The following LAMB4 variants were observed in gnomAD, a reference collection of about 807,000 sequenced individuals.
LAMB4 encodes the protein laminin subunit beta-4.
LAMB4 carries 196 observed loss-of-function variants against 199.2 expected under a neutral mutation model. The observed-to-expected ratio is 0.98, with a 90% CI of 0.88 to 1.11. The LOEUF is 1.11. Among genes scored for constraint, LAMB4 ranks in the 50% least tolerant of loss-of-function variants. The pLI is 0.00. For synonymous variants in LAMB4, 744 were observed against 770.6 expected, an observed-to-expected ratio of 0.97 and a Z score of 0.57; for missense variants, 2,080 against 2,171.2, an observed-to-expected ratio of 0.96 and a Z score of 0.83.
chr7:108,012,075 T>C, the LAMB4 span, among the ~76,000 whole-genome samples: 1 of 149,962 alleles, frequency 6.7e-6, no homozygotes, highest in Non-Finnish European at 1.5e-5. Flanking sequence ...TATAAACATA[T>C]TTATATAAAC....
intron 25 of LAMB4, among the ~76,000 whole-genome samples, chr7:108,054,923 C>T (rs1166021733): frequency 6.6e-6 from 1 of 152,198 alleles, no homozygotes; most frequent in Non-Finnish European, 1.5e-5. Context: ...AATGACCATA[C>T]TTGGTATAAG....
chr7:108,099,017 T>TA (rs764875259), intron 10 of LAMB4, among the ~76,000 whole-genome samples: 3 of 152,170 alleles, frequency 2.0e-5, no homozygotes, highest in Non-Finnish European at 4.4e-5. Context: ...AAATAGATTT[T>TA]AAAAAAGACT....
intron 26 of LAMB4, among the ~76,000 whole-genome samples, chr7:108,050,261 C>A (rs1255486042): frequency 1.3e-5 from 2 of 152,178 alleles, no homozygotes; most frequent in Non-Finnish European, 2.9e-5. Context: ...TTTGTAGGTG[C>A]CTGTACTATA....
rs1025341986 is a variant in LAMB4 at position 108,125,590 on chromosome 7, G to C, written c.-33-2393C>G. The stretch of plus-strand genomic sequence containing the variant: ...ACATAGGATATATCATGGCATTCCT[G>C]CTTCTCTCCAGTGGAGAACCTATTC... On this transcript the variant is annotated intron_variant, in intron 1 of 33. Coordinates refer to ENST00000388781, the MANE Select transcript of LAMB4 (RefSeq NM_007356.3). Among the ~76,000 whole-genome samples the C allele has an allele frequency of 2.0e-5, 3 of 152,292 alleles. No individual in the cohort carries two copies. The East Asian group carries it at 5.8e-4, about 29-fold the overall frequency.
chr7:108,127,189 GTTTTT>G (rs758228106), intron 1 of LAMB4, among the ~76,000 whole-genome samples: 4 of 69,102 alleles, frequency 5.8e-5, no homozygotes, highest in South Asian at 4.9e-4. Context: ...TTTTTTTTGT[GTTTTT>G]TTTTTTTTTT....
In LAMB4 at chr7:108,066,535, A is replaced by G. The variant is rs751884775; in HGVS notation, c.2512T>C (p.Cys838Arg). ...VCDQVTGQCP[C>R]HGEVSGRRCD... ...CGGCGGCCAGACACCTCTCCATGGC[A>G]GGGGCACTGTCCTGTTACTTGGTCA... The change falls in exon 20 of 34, where the codon TGC becomes CGC. Residue 838 changes from cysteine to arginine, a missense_variant. Physicochemically the swap from Cys to Arg is radical, Grantham distance 180 (BLOSUM62 -3). Transcript: ENST00000388781. The G allele has an allele frequency of 6.2e-7, 1 of 1,614,012 alleles. No homozygotes were observed. The highest frequency in any genetic ancestry group is 1.1e-5 in the South Asian group (1 of 91,016).
intron 30 of LAMB4, among the ~76,000 whole-genome samples, chr7:108,035,082 G>A (rs1563033139): frequency 6.6e-6 from 1 of 152,006 alleles, no homozygotes; most frequent in South Asian, 2.1e-4. Context: ...TCCTCCAATG[G>A]TAATCTCTGT....
intron 1 of LAMB4, among the ~76,000 whole-genome samples, chr7:108,124,764 C>T (rs1033716485): frequency 1.3e-5 from 2 of 152,140 alleles, no homozygotes; most frequent in South Asian, 2.1e-4. Flanking sequence ...ATTCTACCTT[C>T]GAGGCTTTTC....
chr7:108,057,879 C>T lies in LAMB4; in HGVS notation c.3332G>A (p.Ser1111Asn). ...CKLGYGGKRC[S>N]ECQENYYGDP... is the part of the protein sequence containing the mutation. ...ACCATAATAATTTTCCTGGCACTCA[C>T]TGCAACGTTTCCCGCCGTAACCTAA... The change falls in exon 24 of 34, where the codon AGT becomes AAT. Residue 1111 changes from serine (S) to asparagine (N), a missense_variant. Ser to Asn is a conservative substitution (Grantham distance 46, BLOSUM62 1). Coordinates refer to ENST00000388781, the MANE Select transcript of LAMB4 (RefSeq NM_007356.3). The T allele has an allele frequency of 6.2e-7, 1 of 1,613,738 alleles. No homozygotes were observed.
rs402113 is a variant in LAMB4, at chr7:108,103,219, A to G, written c.1005T>C (p.Asn335=). The change falls in exon 10 of 34, where the codon AAT becomes AAC. Residue 335 remains asparagine, a synonymous_variant. Transcript: ENST00000388781. ...QDNACRSCSC[N]SHSSRCHFDM... ...CAAAGTGACAGCGGCTGGAGTGGCTATTACAGCTGCACGCTGAAAGGAGAA... is the reference window on the plus strand; with the variant it reads ...CAAAGTGACAGCGGCTGGAGTGGCTGTTACAGCTGCACGCTGAAAGGAGAA... The G allele has an allele frequency of 0.38, 592,553 of 1,560,792 alleles. 114,983 individuals are homozygous for G. Among genetic ancestry groups the G allele is most frequent in the Non-Finnish European group, 0.4 (465,647 of 1,151,778 alleles).
intron 4 of LAMB4, among the ~76,000 whole-genome samples, chr7:108,109,885 C>A (rs1438707259): frequency 6.6e-6 from 1 of 151,932 alleles, no homozygotes; most frequent in Non-Finnish European, 1.5e-5. Flanking sequence ...GCAGCACTGT[C>A]CAACAGAAAT....
rs569989808 is a variant in LAMB4 at position 108,126,488 on chromosome 7, G to C, written c.-33-3291C>G. 7.1e-4 allele frequency among the ~76,000 whole-genome samples: 107 copies of C among 151,046 alleles called. No individual in the cohort carries two copies. The South Asian group carries it at 0.018, about 25-fold the overall frequency. ...ACAATATTTGTCTTTTTTGTGACTG[G>C]CCTATTTCACGTAGCATAATGTCCT... is the stretch of plus-strand genomic sequence containing the variant. On this transcript the variant is annotated intron_variant, in intron 1 of 33. Coordinates refer to ENST00000388781, the MANE Select transcript of LAMB4 (RefSeq NM_007356.3).
intron 4 of LAMB4, among the ~76,000 whole-genome samples, chr7:108,111,188 TG>T (rs1194184707): frequency 6.6e-6 from 1 of 152,150 alleles, no homozygotes; most frequent in African/African-American, 2.4e-5. Context: ...GGCCCATGGC[TG>T]GGGGTGGGAC....
At chr7:108,043,210 C>T (rs2035483150) in intron 29 of LAMB4, among the ~76,000 whole-genome samples, 1 of 151,780 alleles carries the variant, frequency 6.6e-6, no homozygotes, top group Non-Finnish European at 1.5e-5. Flanking sequence ...TATTTGATAT[C>T]TAATTAAAAT....
At chr7:108,122,864 GAC>G (rs2038648283) in intron 2 of LAMB4, among the ~76,000 whole-genome samples, 1 of 152,172 alleles carries the variant, frequency 6.6e-6, no homozygotes, top group Admixed American at 6.6e-5. Flanking sequence ...TGTAAATTAA[GAC>G]ACTGAAACTA....
chr7:108,098,645 C>A, intron 10 of LAMB4, 63 bp from the exon 11 acceptor site: 1 of 1,397,194 alleles, frequency 7.2e-7, no homozygotes. Flanking sequence ...GAAATATAAG[C>A]ACGGCATTTT....
In LAMB4 at chr7:108,105,825, G is replaced by C; in HGVS notation, c.862C>G (p.Pro288Ala). 6.2e-7 allele frequency: 1 copy of C among 1,614,132 alleles called. No homozygotes were observed. The highest frequency in any genetic ancestry group is 1.1e-5 in the South Asian group (1 of 91,084). The change falls in exon 8 of 34, where the codon CCT becomes GCT. Residue 288 changes from proline (P) to alanine (A), a missense_variant. Pro to Ala is a conservative substitution (Grantham distance 27). Transcript: ENST00000388781. ...QKMRGDVFSP[P>A]GMVHGQCVCQ... ...TTGGATTAATAACTCACCATTCCAG[G>C]AGGGCTGAAAACATCTCCCCGCATC...
Position 108,062,869 on chromosome 7 carries a change from G to GGTC in LAMB4, c.3184_3186dup (p.Asp1062dup), listed in dbSNP as rs770503346. The GGTC allele has an allele frequency of 6.3e-7, 1 of 1,593,148 alleles. No homozygotes were observed. Among genetic ancestry groups the GGTC allele is most frequent in the Non-Finnish European group, 8.5e-7 (1 of 1,171,014 alleles). On this transcript the variant is annotated inframe_insertion, in exon 23 of 34. Coordinates refer to ENST00000388781, the MANE Select transcript of LAMB4 (RefSeq NM_007356.3). ...AGATTCCAGTATCCATCAGCACAACGGTCACAGGCCAGGCCTGTGACATTC... is the reference window on the plus strand; with the variant it reads ...AGATTCCAGTATCCATCAGCACAACGGTCGTCACAGGCCAGGCCTGTGACATTC...
chr7:108,031,423 T>C (rs1326121391), intron 31 of LAMB4, among the ~76,000 whole-genome samples: 1 of 138,900 alleles, frequency 7.2e-6, no homozygotes, highest in East Asian at 2.1e-4. Flanking sequence ...CGAATAGCCA[T>C]GTATCCACCA....
Sources: gnomAD v4.1 joint callset for allele counts (sites outside exome capture counted in the v4.1 genomes callset) on GRCh38, gnomAD v4.1.1 for gene constraint, MANE v1.5 for transcripts, NCBI Gene and HGNC (gene_info 2026-07-23, HGNC 2026-07-21) for gene names.